PXDNL: variants seen among roughly 807,000 people sequenced by gnomAD.
The protein encoded by PXDNL is peroxidasin like.
A neutral mutation model predicts 150.8 loss-of-function variants in PXDNL; 145 were observed. That is an observed-to-expected ratio of 0.96 (90% CI 0.84 to 1.10). PXDNL has a LOEUF of 1.10. Ranked by LOEUF, PXDNL falls within the 50% of genes least tolerant of loss-of-function variation. PXDNL has a pLI of 0.00. For missense variants in PXDNL, 2,087 were observed against 1,873.9 expected (o/e 1.11, Z -2.10); for synonymous variants, 757 against 725.7 (o/e 1.04, Z -0.69).
chr8:51,337,050 G>A (rs1805849834), intron 21 of PXDNL, among the ~76,000 whole-genome samples: 1 of 152,082 alleles, frequency 6.6e-6, no homozygotes, highest in African/African-American at 2.4e-5. Context: ...CAACTATTAA[G>A]AAATTAACAG....
intron 2 of PXDNL, among the ~76,000 whole-genome samples, chr8:51,632,766 A>G (rs1158316660): frequency 2.0e-5 from 3 of 152,212 alleles, no homozygotes; most frequent in African/African-American, 7.2e-5. Context: ...ATAATACAAA[A>G]TATCTTCCCT....
Position 51,408,931 on chromosome 8 carries a change from T to C in PXDNL, c.2693A>G (p.Asn898Ser), listed in dbSNP as rs1340971523. 2 of 1,612,592 alleles carry C rather than the reference T, an allele frequency of 1.2e-6. No homozygotes were observed. Among genetic ancestry groups the C allele is most frequent in the East Asian group, 2.2e-5 (1 of 44,858 alleles). Residue 898 changes from asparagine (N) to serine (S), a missense_variant, in exon 17 of 23, where the codon AAC becomes AGC. Asn to Ser is a conservative substitution (Grantham distance 46, BLOSUM62 1). Transcript: ENST00000356297. ...NQQTAYIDGS[N>S]VYGSSERESQ... Reference sequence around the variant, plus strand: ...TTCCCGCTCCGAGCTCCCGTAAACGTTGGAGCCATCGATGTAGGCTGTTTG... The same window carrying C: ...TTCCCGCTCCGAGCTCCCGTAAACGCTGGAGCCATCGATGTAGGCTGTTTG...
At position 51,398,063 on chromosome 8, in the gene PXDNL, G is replaced by A. The variant is rs577460675; in HGVS notation, c.3557+10004C>T. 1.1e-4 allele frequency among the ~76,000 whole-genome samples: 16 copies of A among 152,304 alleles called. No homozygotes were observed. The South Asian group carries it at 3.3e-3, about 32-fold the overall frequency. On this transcript the variant is annotated intron_variant, in intron 17 of 22. Transcript: ENST00000356297. Reference sequence around the variant, plus strand: ...TTTCTGGCTATGGTGTGATGGAAAGGAGACTAGTTTTCCCATTATAAACAA... The same window carrying A: ...TTTCTGGCTATGGTGTGATGGAAAGAAGACTAGTTTTCCCATTATAAACAA...
At chr8:51,457,727 C>T in intron 8 of PXDNL, 60 bp from the exon 9 acceptor site, 2 of 1,358,038 alleles carry the variant, frequency 1.5e-6, no homozygotes, top group African/African-American at 1.4e-5. Flanking sequence ...AAACTCTTAA[C>T]AAGACTGAGA....
chr8:51,431,814 A>G (rs1040420532), intron 12 of PXDNL, among the ~76,000 whole-genome samples: 23 of 152,194 alleles, frequency 1.5e-4, no homozygotes, highest in African/African-American at 5.5e-4. Context: ...ATTAATTCTC[A>G]GCAAGCATAC....
At chr8:51,473,387 G>C (rs1810394162) in intron 7 of PXDNL, among the ~76,000 whole-genome samples, 1 of 151,820 alleles carries the variant, frequency 6.6e-6, no homozygotes, top group South Asian at 2.1e-4. Context: ...AAAGGGACCT[G>C]ATTCAGTATG....
At chr8:51,344,053 C>A (rs1806070912) in intron 20 of PXDNL, among the ~76,000 whole-genome samples, 1 of 152,106 alleles carries the variant, frequency 6.6e-6, no homozygotes, top group Admixed American at 6.6e-5. Context: ...GTTCTTCATT[C>A]CTAGTTATTG....
rs540512972 is a variant in PXDNL, at chr8:51,496,536, G to A, written c.452+3163C>T. On this transcript the variant is annotated intron_variant, in intron 5 of 22. Transcript: ENST00000356297. Reference sequence around the variant, plus strand: ...GATTGTATATTTAGAAAACCCCGTCGTCTCAGCCCAAAATCTTCTTAAGCT... The same window carrying A: ...GATTGTATATTTAGAAAACCCCGTCATCTCAGCCCAAAATCTTCTTAAGCT... Among the ~76,000 whole-genome samples the A allele has an allele frequency of 5.3e-5, 8 of 152,266 alleles. No individual in the cohort carries two copies. In the East Asian group the frequency reaches 1.5e-3, roughly 29 times the overall value.
chr8:51,632,648 T>C (rs1312749879), intron 2 of PXDNL, among the ~76,000 whole-genome samples: 1 of 152,146 alleles, frequency 6.6e-6, no homozygotes, highest in Non-Finnish European at 1.5e-5. Flanking sequence ...TACACCACGA[T>C]GCAGTTATAG....
intron 1 of PXDNL, among the ~76,000 whole-genome samples, chr8:51,694,540 T>C (rs1217527877): frequency 5.3e-5 from 8 of 152,194 alleles, no homozygotes; most frequent in Admixed American, 5.2e-4. Context: ...TCTTGATTCG[T>C]ATATTGTCTG....
intron 9 of PXDNL, 125 bp downstream of exon 9, chr8:51,457,373 C>A (rs1032202344): frequency 3.7e-6 from 3 of 817,078 alleles, no homozygotes; most frequent in African/African-American, 3.5e-5. Flanking sequence ...TTCTCTAAAA[C>A]AAAATTTAAA....
At chr8:51,391,694 T>C (rs1304717537) in intron 17 of PXDNL, among the ~76,000 whole-genome samples, 1 of 152,210 alleles carries the variant, frequency 6.6e-6, no homozygotes, top group Non-Finnish European at 1.5e-5. Flanking sequence ...ATGTTGCCTG[T>C]TCACTCTGAT....
chr8:51,341,715 C>T (rs544180127), intron 20 of PXDNL, among the ~76,000 whole-genome samples: 9 of 152,336 alleles, frequency 5.9e-5, no homozygotes, highest in African/African-American at 2.2e-4. Flanking sequence ...CATGCAATAT[C>T]TTCCTTTTGT....
chr8:51,322,681 G>T (rs1805361398), intron 21 of PXDNL, among the ~76,000 whole-genome samples: 1 of 152,194 alleles, frequency 6.6e-6, no homozygotes, highest in Non-Finnish European at 1.5e-5. Context: ...GTGGGTTTAA[G>T]GAGAAGAGGA....
At chr8:51,405,289 G>A (rs919913687) in intron 17 of PXDNL, among the ~76,000 whole-genome samples, 3 of 152,240 alleles carry the variant, frequency 2.0e-5, no homozygotes, top group African/African-American at 7.2e-5. Context: ...AGGCCGAGGA[G>A]GTGCCCAGAG....
intron 1 of PXDNL, among the ~76,000 whole-genome samples, chr8:51,765,847 T>C (rs973759081): frequency 1.6e-5 from 1 of 61,496 alleles, no homozygotes; most frequent in African/African-American, 6.4e-5. Context: ...CCCCTGTTTA[T>C]TCTTTTTTTT....
chr8:51,405,093 AC>A (rs1808399083), intron 17 of PXDNL, among the ~76,000 whole-genome samples: 1 of 152,124 alleles, frequency 6.6e-6, no homozygotes, highest in Admixed American at 6.5e-5. Context: ...CCGGCCAGCC[AC>A]TGGGAGTGCG....
chr8:51,693,064 C>T (rs1378055967), intron 1 of PXDNL, among the ~76,000 whole-genome samples: 1 of 152,186 alleles, frequency 6.6e-6, no homozygotes, highest in East Asian at 1.9e-4. Context: ...TCTATGTCTT[C>T]AAAGAGATCA....
chr8:51,549,282 G>C (rs1392107417), intron 4 of PXDNL, among the ~76,000 whole-genome samples: 1 of 152,032 alleles, frequency 6.6e-6, no homozygotes, highest in Admixed American at 6.5e-5. Context: ...AAGACGGAAA[G>C]TCCACAAAGA....
Sources: allele counts gnomAD v4.1 joint callset (sites outside exome capture counted in the v4.1 genomes callset), GRCh38; gene constraint gnomAD v4.1.1; transcripts MANE v1.5; gene names NCBI Gene and HGNC (gene_info 2026-07-23, HGNC 2026-07-21).